The following MYH14 variants were observed in gnomAD, a reference collection of about 807,000 sequenced individuals.
The protein encoded by MYH14 is myosin-14.
In MYH14, 123 loss-of-function variants were observed where a neutral mutation model predicts 255.5. That is an observed-to-expected ratio of 0.48 (90% CI 0.42 to 0.56). MYH14 has a LOEUF of 0.56. Among genes scored for constraint, MYH14 ranks in the 20% least tolerant of loss-of-function variants. The pLI is 0.00. For missense variants in MYH14, 2,423 were observed against 2,802.3 expected, an observed-to-expected ratio of 0.86 and a Z score of 3.06; for synonymous variants, 1,095 against 1,161.2, an observed-to-expected ratio of 0.94 and a Z score of 1.16.
chr19:50,245,462 A>G (rs1600927647), intron 11 of MYH14, among the ~76,000 whole-genome samples: 1 of 150,300 alleles, frequency 6.7e-6, no homozygotes, highest in Non-Finnish European at 1.5e-5. Flanking sequence ...AGAAGAAGAA[A>G]GAAAGAAAAA....
Position 50,243,399 on chromosome 19 carries a change from G to A in MYH14, c.1115-843G>A, listed in dbSNP as rs112304037. Among the ~76,000 whole-genome samples, 337 of 152,148 alleles carry A rather than the reference G, an allele frequency of 2.2e-3. 2 individuals carry two copies. The highest frequency in any genetic ancestry group is 7.8e-3 in the African/African-American group (325 of 41,508). ...TGCAGTGAGCCGATATGGCACCACT[G>A]CACTCCAGCCTGGGTGACAAGAATG... On this transcript the variant is annotated intron_variant, in intron 10 of 42. Coordinates refer to ENST00000642316, the MANE Select transcript of MYH14 (RefSeq NM_001145809.2).
At chr19:50,222,979 C>T in intron 3 of MYH14, 104 bp from the exon 4 acceptor site, 1 of 1,147,686 alleles carries the variant, frequency 8.7e-7, no homozygotes, top group Non-Finnish European at 1.3e-6. Flanking sequence ...CTTTTCCTTA[C>T]TCCCTGGGAA....
intron 10 of MYH14, among the ~76,000 whole-genome samples, chr19:50,239,713 C>G (rs995527038): frequency 9.9e-5 from 15 of 152,124 alleles, no homozygotes; most frequent in African/African-American, 3.6e-4. Flanking sequence ...CCACGCCTAG[C>G]TAATTTTTTG....
At chr19:50,294,514 A>C (rs2036196376) in intron 39 of MYH14, among the ~76,000 whole-genome samples, 2 of 148,704 alleles carry the variant, frequency 1.3e-5, no homozygotes, top group Admixed American at 6.8e-5. Context: ...GGCTCACTGC[A>C]ACCTCTGCCT....
intron 24 of MYH14, among the ~76,000 whole-genome samples, chr19:50,270,701 TA>T (rs199839028): frequency 0.036 from 1,119 of 30,924 alleles, 14 homozygotes; most frequent in African/African-American, 0.1. Context: ...ATTATTTATT[TA>T]TTTTTTTTTT....
At chr19:50,233,809 T>TCCCCCCGCC (rs1397858973) in intron 10 of MYH14, among the ~76,000 whole-genome samples, 13 of 51,992 alleles carry the variant, frequency 2.5e-4, no homozygotes, top group Non-Finnish European at 4.6e-4. Context: ...CCCTCCCCCC[T>TCCCCCCGCC]CCCCCCGACC....
chr19:50,225,457 A>C (rs2033042753), intron 6 of MYH14, 128 bp from the exon 7 acceptor site: 1 of 664,748 alleles, frequency 1.5e-6, no homozygotes, highest in African/African-American at 1.8e-5. Flanking sequence ...AAGTGGGTAC[A>C]CGCCCAGACA....
Position 50,280,494 on chromosome 19 carries a change from C to CA in MYH14, c.4290+112dup. 1 of 1,182,104 alleles carries CA rather than the reference C, an allele frequency of 8.5e-7. No homozygotes were observed. The highest frequency in any genetic ancestry group is 1.2e-6 in the Non-Finnish European group (1 of 864,552). 73.2% of individuals were successfully genotyped at this position (1,182,104 alleles called of 1,614,324 possible). On this transcript the variant is annotated intron_variant, in intron 32 of 42. Coordinates refer to ENST00000642316, the MANE Select transcript of MYH14 (RefSeq NM_001145809.2). This position sits in a 1 kb window ranked among gnomAD's most constrained non-coding sequence, Gnocchi z 4.8. ...TGCCCACCTTCTCATAGGCCAGACC[C>CA]ATGGGTGCCTTTCTCATCTCTGACT...
rs1382444287 is a variant in MYH14, at chr19:50,293,319, C to T, written c.5343C>T (p.Ser1781=). The change falls in exon 38 of 43, where the codon AGC becomes AGT. Residue 1781 remains serine, a splice_region_variant and synonymous_variant. Transcript: ENST00000642316. This position sits in a 1 kb window ranked among gnomAD's most constrained non-coding sequence, Gnocchi z 4.1. ...MADEVANGNL[S]KAAILEEKRQ... is the part of the protein sequence containing the mutation. ...ATGAGGTGGCCAATGGTAACCTTAG[C>T]AAGTAAGTGCCCCAAGGGTCTGAAG... 8 of 1,600,658 alleles carry T rather than the reference C, an allele frequency of 5.0e-6. No homozygotes were observed. Among genetic ancestry groups the T allele is most frequent in the Non-Finnish European group, 6.0e-6 (7 of 1,173,660 alleles).
At chr19:50,245,457 A>T (rs2034073935) in intron 11 of MYH14, among the ~76,000 whole-genome samples, 1 of 149,646 alleles carries the variant, frequency 6.7e-6, no homozygotes, top group Admixed American at 6.7e-5. Context: ...GAAAAAGAAG[A>T]AGAAAGAAAG....
In MYH14 at chr19:50,279,566, G is replaced by T. The variant is rs560083725; in HGVS notation, c.4033-471G>T. Among the ~76,000 whole-genome samples the T allele has an allele frequency of 3.3e-5, 5 of 152,342 alleles. No individual in the cohort carries two copies. In the South Asian group the frequency reaches 1.0e-3, roughly 32 times the overall value. ...GAGAATCACTTGCACCTGGGAGGCG[G>T]AGGTTGCAGTGAGCCGAGATTGCAC... is the stretch of plus-strand genomic sequence containing the variant. On this transcript the variant is annotated intron_variant, in intron 30 of 42. Coordinates refer to ENST00000642316, the MANE Select transcript of MYH14 (RefSeq NM_001145809.2).
chr19:50,227,079 GACCTGATGCTCA>G, intron 8 of MYH14, 113 bp downstream of exon 8: 5 of 568,308 alleles, frequency 8.8e-6, no homozygotes, highest in Admixed American at 2.2e-5. Context: ...ACTCAGATGG[GACCTGATGCTCA>G]GGCGGCATCT....
chr19:50,244,181 C>A, intron 10 of MYH14, 61 bp from the exon 11 acceptor site: 1 of 1,432,180 alleles, frequency 7.0e-7, no homozygotes, highest in Non-Finnish European at 9.8e-7. Flanking sequence ...GTTTAAGGGG[C>A]CAGTTAAGAC....
chr19:50,250,577 C>A lies in MYH14; in HGVS notation c.1719C>A (p.Asp573Glu). 6.2e-7 allele frequency: 1 copy of A among 1,614,056 alleles called. No individual in the cohort carries two copies. The highest frequency in any genetic ancestry group is 8.5e-7 in the Non-Finnish European group (1 of 1,179,970). Residue 573 changes from aspartate to glutamate, a missense_variant, in exon 15 of 43, where the codon GAC (aspartate) becomes GAA (glutamate). Physicochemically the swap from Asp to Glu is conservative, Grantham distance 45. Around this residue, in one of 3 missense-constraint regions of MYH14, gnomAD observed 672 missense variants for 881.8 expected, o/e 0.76. Transcript: ENST00000642316. This position sits in a 1 kb window ranked among gnomAD's most constrained non-coding sequence, Gnocchi z 5.4. ...AGTGCTGGTTCCCGAAGGCCACAGA[C>A]AAGTCGTTTGTGGAGAAGGTAGCCC... is the stretch of plus-strand genomic sequence containing the variant. ...DEECWFPKAT[D>E]KSFVEKVAQE...
rs2036143384 is a variant in MYH14, at chr19:50,293,178, C to A, written c.5257-55C>A. On this transcript the variant is annotated intron_variant, in intron 37 of 42. Transcript: ENST00000642316. This position sits in a 1 kb window ranked among gnomAD's most constrained non-coding sequence, Gnocchi z 4.1. ...GTGAGGGACAGAGAAAGGGGTGAGA[C>A]CCGTGCCCAGATTGCTTCTCCTCAC... is the stretch of plus-strand genomic sequence containing the variant. 1.6e-6 allele frequency: 2 copies of A among 1,288,442 alleles called. No homozygotes were observed. Among genetic ancestry groups the A allele is most frequent in the Non-Finnish European group, 2.2e-6 (2 of 905,432 alleles). 79.8% of individuals were successfully genotyped at this position (1,288,442 alleles called of 1,614,324 possible). A position where few individuals can be genotyped will look rare whatever the true frequency, so the allele number is the denominator to read the frequency against.
chr19:50,244,949 A>C (rs1054739611), intron 11 of MYH14, among the ~76,000 whole-genome samples: 1 of 152,144 alleles, frequency 6.6e-6, no homozygotes, highest in Admixed American at 6.6e-5. Flanking sequence ...CACCATTAGC[A>C]TTTGGCGTAG....
intron 8 of MYH14, among the ~76,000 whole-genome samples, chr19:50,228,898 G>A (rs1437191901): frequency 2.6e-5 from 4 of 152,172 alleles, no homozygotes; most frequent in African/African-American, 9.7e-5. Flanking sequence ...TCTTGGGATG[G>A]CCTGCCGGGT....
In MYH14 at chr19:50,260,638, C is replaced by T; in HGVS notation, c.2355-8C>T. ...TCTCTCCTCCCCACCCCTCCCTGCT[C>T]ATTGCAGATACGAGATCCTGACACC... On this transcript the variant is annotated splice_polypyrimidine_tract_variant and splice_region_variant and intron_variant, in intron 19 of 42. Coordinates refer to ENST00000642316, the MANE Select transcript of MYH14 (RefSeq NM_001145809.2). The T allele has an allele frequency of 6.2e-7, 1 of 1,609,556 alleles. No individual in the cohort carries two copies. Among genetic ancestry groups the T allele is most frequent in the Non-Finnish European group, 8.5e-7 (1 of 1,176,214 alleles).
intron 22 of MYH14, among the ~76,000 whole-genome samples, chr19:50,265,342 A>G (rs2035043863): frequency 6.9e-6 from 1 of 144,644 alleles, no homozygotes; most frequent in South Asian, 2.2e-4. Flanking sequence ...TGAGACCCTC[A>G]TCTCTACAAA....
Sources: gnomAD v4.1 joint callset for allele counts (sites outside exome capture counted in the v4.1 genomes callset) on GRCh38, gnomAD v4.1.1 for gene constraint, gnomAD v4.1.1 regional missense constraint, Gnocchi (gnomAD v3.1) non-coding constraint, MANE v1.5 for transcripts, NCBI Gene and HGNC (gene_info 2026-07-23, HGNC 2026-07-21) for gene names.